NCKAP5: variants seen among roughly 807,000 people sequenced by gnomAD.
NCKAP5 encodes the protein nck-associated protein 5.
NCKAP5 carries 92 observed loss-of-function variants against 167.0 expected under a neutral mutation model. The observed-to-expected ratio is 0.55, with a 90% confidence interval of 0.47 to 0.66. The LOEUF (loss-of-function observed/expected upper bound fraction) is 0.66, where lower values mean the gene tolerates loss of function less well. Among genes scored for constraint, NCKAP5 ranks in the 30% least tolerant of loss-of-function variants. The pLI, the probability that NCKAP5 is intolerant of heterozygous loss-of-function variation, is 0.00. For synonymous variants in NCKAP5, 891 were observed against 877.4 expected (o/e 1.02, Z -0.27); for missense variants, 2,378 against 2,315.0 (o/e 1.03, Z -0.56).
the NCKAP5 span, among the ~76,000 whole-genome samples, chr2:133,588,289 A>C: frequency 1.4e-3 from 71 of 52,578 alleles, no homozygotes; most frequent in African/African-American, 2.0e-3. Flanking sequence ...CTCTCTCCCT[A>C]CCTCTCGTCT....
intron 19 of NCKAP5, among the ~76,000 whole-genome samples, chr2:132,713,688 A>G (rs955212185): frequency 6.7e-6 from 1 of 148,226 alleles, no homozygotes; most frequent in African/African-American, 2.5e-5. Context: ...GTGACATATT[A>G]CATCATAAGA....
chr2:133,600,105 G>A, the NCKAP5 span, among the ~76,000 whole-genome samples: 1 of 152,190 alleles, frequency 6.6e-6, no homozygotes, highest in Non-Finnish European at 1.5e-5. Flanking sequence ...ATTTCTTCGG[G>A]ACTCCATTCG....
At chr2:132,823,978 G>A (rs1472445300) in intron 11 of NCKAP5, among the ~76,000 whole-genome samples, 1 of 152,128 alleles carries the variant, frequency 6.6e-6, no homozygotes, top group Admixed American at 6.6e-5. Flanking sequence ...AATCCAACAG[G>A]AAAATATCAG....
At chr2:133,315,480 A>T (rs1157687859) in intron 3 of NCKAP5, among the ~76,000 whole-genome samples, 1 of 152,156 alleles carries the variant, frequency 6.6e-6, no homozygotes, top group East Asian at 1.9e-4. Context: ...ATTACATATG[A>T]AAGAGTAGAT....
intron 3 of NCKAP5, among the ~76,000 whole-genome samples, chr2:133,386,790 A>G (rs1262140328): frequency 6.6e-6 from 1 of 151,910 alleles, no homozygotes; most frequent in African/African-American, 2.4e-5. Flanking sequence ...TGATCCCTTT[A>G]CCATTATGTA....
At chr2:133,456,510 G>T (rs1237611969) in intron 3 of NCKAP5, among the ~76,000 whole-genome samples, 7 of 152,152 alleles carry the variant, frequency 4.6e-5, no homozygotes, top group African/African-American at 1.7e-4. Context: ...ACATCAAGGA[G>T]TCATCCATAT....
At chr2:133,433,419 C>T (rs894124795) in intron 3 of NCKAP5, 3 of 152,206 alleles carry the variant, frequency 2.0e-5, no homozygotes, top group Admixed American at 6.5e-5. Context: ...TTAGGTGATA[C>T]TTCCACTGTT....
At chr2:133,134,718 C>T (rs2082728589) in intron 5 of NCKAP5, among the ~76,000 whole-genome samples, 1 of 152,186 alleles carries the variant, frequency 6.6e-6, no homozygotes, top group African/African-American at 2.4e-5. Context: ...TCAAACTGAG[C>T]CATCCTCTGA....
intron 19 of NCKAP5, among the ~76,000 whole-genome samples, chr2:132,722,643 C>A (rs1266304517): frequency 2.0e-5 from 3 of 152,120 alleles, no homozygotes; most frequent in African/African-American, 4.8e-5. Context: ...ACCTACCCAC[C>A]ACTTCCACTT....
At chr2:132,727,115 G>A (rs1690533409) in intron 18 of NCKAP5, among the ~76,000 whole-genome samples, 4 of 152,208 alleles carry the variant, frequency 2.6e-5, no homozygotes, top group Admixed American at 2.6e-4. Context: ...CATGGGGCTA[G>A]TGCAGGACGA....
chr2:133,233,324 G>A (rs1444429268), intron 4 of NCKAP5, among the ~76,000 whole-genome samples: 2 of 152,060 alleles, frequency 1.3e-5, no homozygotes, highest in Non-Finnish European at 2.9e-5. Context: ...TTTGGTCATT[G>A]ACCTTACCAA....
chr2:132,864,482 G>C (rs1690184348), intron 10 of NCKAP5, among the ~76,000 whole-genome samples: 1 of 152,118 alleles, frequency 6.6e-6, no homozygotes, highest in South Asian at 2.1e-4. Context: ...TGATACACTG[G>C]TCTAATGGGC....
chr2:133,531,531 A>G (rs560999247), intron 2 of NCKAP5, among the ~76,000 whole-genome samples: 2 of 152,214 alleles, frequency 1.3e-5, no homozygotes, highest in Admixed American at 1.3e-4. Context: ...ATTTTTTTAC[A>G]TAGAAAATTG....
intron 6 of NCKAP5, among the ~76,000 whole-genome samples, chr2:133,110,803 CTG>C (rs1674950470): frequency 6.6e-6 from 1 of 152,120 alleles, no homozygotes; most frequent in South Asian, 2.1e-4. Context: ...ATACCACAGA[CTG>C]GGGGGCTTCA....
At chr2:132,686,507 C>G (rs1414138715) in intron 19 of NCKAP5, among the ~76,000 whole-genome samples, 3 of 152,134 alleles carry the variant, frequency 2.0e-5, no homozygotes, top group African/African-American at 7.2e-5. Flanking sequence ...AGCTCAGTCT[C>G]CCTTGTAGGG....
At chr2:133,243,891 C>T (rs578235176) in intron 4 of NCKAP5, among the ~76,000 whole-genome samples, 2 of 152,282 alleles carry the variant, frequency 1.3e-5, no homozygotes, top group Admixed American at 6.5e-5. Context: ...CTTTTCAGTG[C>T]CTGTGCATAT....
At chr2:132,991,959 G>A (rs1312591537) in intron 7 of NCKAP5, among the ~76,000 whole-genome samples, 1 of 152,162 alleles carries the variant, frequency 6.6e-6, no homozygotes, top group African/African-American at 2.4e-5. Context: ...TGAGATGAAG[G>A]GGATCTCCCT....
In NCKAP5 at chr2:132,728,790, A is replaced by C. The variant is rs774450651; in HGVS notation, c.5580+26T>G. ...GAATCAGGACCAACAGGTGGATTGC[A>C]CCCTTCACCTCCCCCGACCCCTCAC... On this transcript the variant is annotated intron_variant, in intron 18 of 19. Transcript: ENST00000409261. The C allele has an allele frequency of 1.9e-6, 3 of 1,611,982 alleles. No individual in the cohort carries two copies. In the East Asian group the frequency reaches 6.7e-5, roughly 36 times the overall value.
At chr2:133,053,698 G>A (rs1439890810) in intron 6 of NCKAP5, among the ~76,000 whole-genome samples, 1 of 152,102 alleles carries the variant, frequency 6.6e-6, no homozygotes, top group Admixed American at 6.6e-5. Flanking sequence ...AGTCCAAGTT[G>A]CTTACAGGGT....
Sources: gnomAD v4.1 joint callset for allele counts (sites outside exome capture counted in the v4.1 genomes callset) on GRCh38, gnomAD v4.1.1 for gene constraint, MANE v1.5 for transcripts, NCBI Gene and HGNC (gene_info 2026-07-23, HGNC 2026-07-21) for gene names.